Variants in FBXW7 observed in about 807,000 individuals in gnomAD.
FBXW7 encodes F-box/WD repeat-containing protein 7.
A neutral mutation model predicts 86.3 loss-of-function variants in FBXW7; 11 were observed. The observed-to-expected ratio is 0.13, with a 90% CI of 0.08 to 0.21. FBXW7 has a LOEUF of 0.21. FBXW7 is among the 10% of genes least tolerant of loss of function. The pLI, the probability that FBXW7 is intolerant of heterozygous loss-of-function variation, is 1.00. For synonymous variants in FBXW7, 313 were observed against 297.9 expected (o/e 1.05, Z -0.52); for missense variants, 488 against 847.4 (o/e 0.58, Z 5.27).
At chr4:152,488,445 C>T (rs1225190244) in intron 2 of FBXW7, among the ~76,000 whole-genome samples, 2 of 152,042 alleles carry the variant, frequency 1.3e-5, no homozygotes, top group African/African-American at 2.4e-5. Context: ...TACCAGTATG[C>T]CTAGGCCAAT....
chr4:152,486,859 T>C (rs1295178322), intron 2 of FBXW7, among the ~76,000 whole-genome samples: 1 of 152,176 alleles, frequency 6.6e-6, no homozygotes, highest in Non-Finnish European at 1.5e-5. Flanking sequence ...CACAGTAGAT[T>C]TGACTTACAC....
At chr4:152,354,508 A>G (rs907053721) in intron 4 of FBXW7, among the ~76,000 whole-genome samples, 2 of 152,126 alleles carry the variant, frequency 1.3e-5, no homozygotes, top group Non-Finnish European at 2.9e-5. Context: ...CAAGTTTTCC[A>G]TAAGACACGT....
At chr4:152,507,597 C>T (rs941565727) in intron 2 of FBXW7, among the ~76,000 whole-genome samples, 6 of 152,078 alleles carry the variant, frequency 3.9e-5, no homozygotes, top group Admixed American at 6.5e-5. Flanking sequence ...GACACAAAGA[C>T]TTTTAAAAAG....
At chr4:152,432,957 A>AT (rs1455768365) in intron 2 of FBXW7, among the ~76,000 whole-genome samples, 1 of 152,020 alleles carries the variant, frequency 6.6e-6, no homozygotes, top group Non-Finnish European at 1.5e-5. Context: ...TTGAAACATC[A>AT]TTTTTATATG....
At chr4:152,452,763 C>T (rs1403133429) in intron 2 of FBXW7, among the ~76,000 whole-genome samples, 5 of 151,996 alleles carry the variant, frequency 3.3e-5, no homozygotes, top group Non-Finnish European at 5.9e-5. Context: ...AATTTTTTTT[C>T]CTGAGAAGAA....
At chr4:152,480,260 G>A (rs1579312965) in intron 2 of FBXW7, among the ~76,000 whole-genome samples, 1 of 152,082 alleles carries the variant, frequency 6.6e-6, no homozygotes, top group Admixed American at 6.6e-5. Context: ...CTGTTATGGT[G>A]ATCTGTGATC....
At chr4:152,419,552 TA>T (rs1323420578) in intron 2 of FBXW7, among the ~76,000 whole-genome samples, 7 of 116,390 alleles carry the variant, frequency 6.0e-5, no homozygotes, top group East Asian at 2.4e-4. Flanking sequence ...GGCAAAGTCT[TA>T]AAAAAAATGG....
chr4:152,495,936 G>A (rs1013759939), intron 2 of FBXW7, among the ~76,000 whole-genome samples: 1 of 152,116 alleles, frequency 6.6e-6, no homozygotes, highest in Non-Finnish European at 1.5e-5. Context: ...CAGCACTCTG[G>A]GAAGCCAAGG....
chr4:152,504,596 C>CA (rs1198354283), intron 2 of FBXW7, among the ~76,000 whole-genome samples: 1 of 152,032 alleles, frequency 6.6e-6, no homozygotes, highest in Non-Finnish European at 1.5e-5. Flanking sequence ...AATTTAGATG[C>CA]AAATATTACA....
chr4:152,511,962 A>G (rs1748021937), intron 2 of FBXW7, among the ~76,000 whole-genome samples: 1 of 152,122 alleles, frequency 6.6e-6, no homozygotes, highest in Admixed American at 6.5e-5. Context: ...AAAGACTCAG[A>G]AAAAAACAAA....
intron 4 of FBXW7, among the ~76,000 whole-genome samples, chr4:152,386,939 T>C (rs1414076902): frequency 5.3e-5 from 8 of 152,146 alleles, no homozygotes. Flanking sequence ...ACAATAAAAA[T>C]ACCATCACAG....
At chr4:152,447,149 G>C (rs1171972281) in intron 2 of FBXW7, among the ~76,000 whole-genome samples, 1 of 152,168 alleles carries the variant, frequency 6.6e-6, no homozygotes, top group Non-Finnish European at 1.5e-5. Context: ...ACATCAAAAA[G>C]GAAAGTTCTC....
chr4:152,408,735 G>T (rs1284590850), intron 4 of FBXW7, among the ~76,000 whole-genome samples: 1 of 152,132 alleles, frequency 6.6e-6, no homozygotes, highest in African/African-American at 2.4e-5. Context: ...AACCATAGGG[G>T]GCAGCATAGC....
chr4:152,527,609 A>AT lies in FBXW7; in HGVS notation c.-120+7331dup, dbSNP rs919190403. On this transcript the variant is annotated intron_variant, in intron 2 of 13. Transcript: ENST00000281708. ...TATAGTGAGACCCTGTCTTTACAGA[A>AT]TTTTTTTTTTAAATTTGCAGGGTGT... Among the ~76,000 whole-genome samples the AT allele has an allele frequency of 1.5e-3, 228 of 150,638 alleles. 1 individual carries two copies. The highest frequency in any genetic ancestry group is 4.6e-3 in the African/African-American group (187 of 41,066).
chr4:152,488,891 T>G (rs1326336921), intron 2 of FBXW7, among the ~76,000 whole-genome samples: 2 of 152,054 alleles, frequency 1.3e-5, no homozygotes, highest in African/African-American at 2.4e-5. Context: ...CAGCAAAGAT[T>G]AATACACAAT....
At chr4:152,348,784 T>C (rs984231437) in intron 5 of FBXW7, 1 of 816,632 alleles carries the variant, frequency 1.2e-6, no homozygotes, top group African/African-American at 1.8e-5. Flanking sequence ...TACTTTATCA[T>C]GACTAGAAGG....
chr4:152,322,144 C>G lies in FBXW7; in HGVS notation c.*737G>C. 1 of 233,078 alleles carries G rather than the reference C, an allele frequency of 4.3e-6. No individual in the cohort carries two copies. Among genetic ancestry groups the G allele is most frequent in the Non-Finnish European group, 8.5e-6 (1 of 117,744 alleles). The allele number at this position is 233,078 out of a possible 1,614,324, so 14.4% of individuals were successfully genotyped here. ...CAGTACAGGGTTGGGACAACAATCC[C>G]ATATTTGAAGACCTACTTCTAGCAC... On this transcript the variant is annotated 3_prime_UTR_variant, in exon 14 of 14. Transcript: ENST00000281708.
rs1560786610 is a variant in FBXW7 at position 152,347,087 on chromosome 4, AAAGAG to A, written c.585-21_585-17del. The A allele has an allele frequency of 3.8e-6, 6 of 1,585,340 alleles. No individual in the cohort carries two copies. Among genetic ancestry groups the A allele is most frequent in the South Asian group, 2.3e-5 (2 of 85,208 alleles). ...CCCAGTGGTACTACAAAAAAAAAAA[AAAGAG>A]AGAGAGAAAGGATAAAAGGAAAAAA... On this transcript the variant is annotated splice_polypyrimidine_tract_variant and intron_variant, in intron 5 of 13. Transcript: ENST00000281708.
intron 2 of FBXW7, among the ~76,000 whole-genome samples, chr4:152,439,903 T>G (rs1740731961): frequency 6.6e-6 from 1 of 151,148 alleles, no homozygotes; most frequent in African/African-American, 2.4e-5. Context: ...TGTCACCTCC[T>G]GCTTCATACA....
Sources: allele counts gnomAD v4.1 joint callset (sites outside exome capture counted in the v4.1 genomes callset), GRCh38; gene constraint gnomAD v4.1.1; transcripts MANE v1.5; gene names NCBI Gene and HGNC (gene_info 2026-07-23, HGNC 2026-07-21).